Variants in PCNX2 observed in about 807,000 individuals in gnomAD.
PCNX2 encodes pecanex-like protein 2.
In PCNX2, 168 loss-of-function variants were observed where a neutral mutation model predicts 223.8. The ratio of observed to expected loss-of-function variants is 0.75; its 90% CI spans 0.66 to 0.85. The LOEUF is 0.85. PCNX2 is among the 40% of genes least tolerant of loss of function. The pLI, the probability that PCNX2 is intolerant of heterozygous loss-of-function variation, is 0.00. For synonymous variants in PCNX2, 1,006 were observed against 1,052.6 expected, an observed-to-expected ratio of 0.96 and a Z score of 0.86; for missense variants, 2,507 against 2,675.5, an observed-to-expected ratio of 0.94 and a Z score of 1.39.
At chr1:233,175,286 C>T (rs1318869372) in intron 17 of PCNX2, among the ~76,000 whole-genome samples, 2 of 152,110 alleles carry the variant, frequency 1.3e-5, no homozygotes, top group African/African-American at 4.8e-5. Context: ...TGAACACAAA[C>T]ATCTTATTAA....
At chr1:233,131,467 C>A (rs1264635617) in intron 21 of PCNX2, among the ~76,000 whole-genome samples, 1 of 152,202 alleles carries the variant, frequency 6.6e-6, no homozygotes. Flanking sequence ...GGGACCTTAA[C>A]TGTGAACTTC....
intron 23 of PCNX2, among the ~76,000 whole-genome samples, chr1:233,089,183 A>C (rs960974527): frequency 5.7e-5 from 6 of 105,316 alleles, no homozygotes; most frequent in Middle Eastern, 9.7e-3. Context: ...CAAAATGTAA[A>C]CAAATTACGG....
intron 2 of PCNX2, among the ~76,000 whole-genome samples, chr1:233,262,564 C>T (rs1660111283): frequency 6.6e-6 from 1 of 152,184 alleles, no homozygotes; most frequent in Non-Finnish European, 1.5e-5. Context: ...TCAAGAATTA[C>T]TCTTAATATT....
At chr1:233,146,433 AAAC>A (rs1202882532) in intron 19 of PCNX2, among the ~76,000 whole-genome samples, 11 of 152,322 alleles carry the variant, frequency 7.2e-5, no homozygotes, top group East Asian at 1.9e-4. Flanking sequence ...CTAGCGTATT[AAAC>A]AACATTTCCT....
chr1:233,108,298 C>T lies in PCNX2; in HGVS notation c.3838-12435G>A, dbSNP rs1021597873. Among the ~76,000 whole-genome samples, 15 of 152,164 alleles carry T rather than the reference C, an allele frequency of 9.9e-5. 1 individual carries two copies. On this transcript the variant is annotated intron_variant, in intron 21 of 33. Transcript: ENST00000258229. ...TCTGGATTGGGAATCCTTTCCTGTACCACACCTAGTCCAAAATCTGAGGAG... is the reference window on the plus strand; with the variant it reads ...TCTGGATTGGGAATCCTTTCCTGTATCACACCTAGTCCAAAATCTGAGGAG...
intron 8 of PCNX2, among the ~76,000 whole-genome samples, chr1:233,247,782 G>A (rs543919192): frequency 6.6e-6 from 1 of 151,496 alleles, no homozygotes; most frequent in African/African-American, 2.4e-5. Context: ...GAAGGTTGAG[G>A]CAGGAGAATC....
intron 19 of PCNX2, among the ~76,000 whole-genome samples, chr1:233,152,448 ATCCT>A (rs920674959): frequency 3.3e-4 from 50 of 152,168 alleles, no homozygotes; most frequent in Admixed American, 1.3e-3. Flanking sequence ...TAAGGAATAC[ATCCT>A]TCCTCCTCTA....
At position 232,984,270 on chromosome 1, in the gene PCNX2, G is replaced by A. The variant is rs1211900677; in HGVS notation, c.*34C>T. ...GAGAGCAATGCAGGTGGGAGGTGTG[G>A]GGGAGCCAGCCTCCCCGCCCGGCCG... On this transcript the variant is annotated 3_prime_UTR_variant, in exon 34 of 34. Coordinates refer to ENST00000258229, the MANE Select transcript of PCNX2 (RefSeq NM_014801.4). 5 of 1,545,026 alleles carry A rather than the reference G, an allele frequency of 3.2e-6. No individual in the cohort carries two copies. The highest frequency in any genetic ancestry group is 4.4e-6 in the Non-Finnish European group (5 of 1,145,532).
chr1:233,051,034 A>C (rs563283143), intron 25 of PCNX2, among the ~76,000 whole-genome samples: 78 of 152,338 alleles, frequency 5.1e-4, no homozygotes, highest in African/African-American at 1.8e-3. Context: ...GATACTTCTC[A>C]AAAGAAGACA....
At chr1:233,015,790 C>A (rs1326783175) in intron 27 of PCNX2, among the ~76,000 whole-genome samples, 1 of 151,992 alleles carries the variant, frequency 6.6e-6, no homozygotes, top group Non-Finnish European at 1.5e-5. Flanking sequence ...AGGAGGATCA[C>A]TTGATCCTAG....
In PCNX2 at chr1:233,217,909, G is replaced by C; in HGVS notation, c.2681C>G (p.Ser894Ter). 3 of 1,613,934 alleles carry C rather than the reference G, an allele frequency of 1.9e-6. No individual in the cohort carries two copies. Among genetic ancestry groups the C allele is most frequent in the Non-Finnish European group, 2.5e-6 (3 of 1,179,884 alleles). ...TATTTGGAAACTTACGTGTATTGGT[G>C]AGGCGGGGTCAGGCTGAACACTCTA... ...LLKSVQPDPA[S>*]PIHGHNQIIT... Residue 894 changes from serine (S) to a stop codon, truncating the protein, a stop_gained, in exon 12 of 34, where the codon TCA (serine) becomes TGA (stop). Coordinates refer to ENST00000258229, the MANE Select transcript of PCNX2 (RefSeq NM_014801.4). LOFTEE classifies it high-confidence loss of function.
intron 12 of PCNX2, chr1:233,211,926 G>A (rs530774680): frequency 2.2e-4 from 104 of 469,998 alleles, no homozygotes; most frequent in African/African-American, 1.7e-3. Context: ...GGAAGGTGTC[G>A]AAAACCCAGA....
At chr1:233,070,819 G>A (rs564635587) in intron 23 of PCNX2, among the ~76,000 whole-genome samples, 2 of 152,118 alleles carry the variant, frequency 1.3e-5, no homozygotes, top group South Asian at 2.1e-4. Flanking sequence ...GGCAGATCAC[G>A]AGGTCTGGAG....
intron 21 of PCNX2, among the ~76,000 whole-genome samples, chr1:233,098,930 G>A (rs555368727): frequency 2.0e-5 from 3 of 152,278 alleles, no homozygotes; most frequent in Non-Finnish European, 4.4e-5. Context: ...AAACATAAAT[G>A]TTACAAAAGA....
At chr1:233,226,806 T>C (rs1191257375) in intron 10 of PCNX2, among the ~76,000 whole-genome samples, 1 of 151,950 alleles carries the variant, frequency 6.6e-6, no homozygotes, top group Non-Finnish European at 1.5e-5. Flanking sequence ...TCTTCCCTCC[T>C]CTCCCCATGC....
At chr1:233,193,410 G>A (rs549023378) in intron 15 of PCNX2, among the ~76,000 whole-genome samples, 2 of 152,204 alleles carry the variant, frequency 1.3e-5, no homozygotes, top group East Asian at 3.9e-4. Flanking sequence ...GTGAAAATGG[G>A]CATGGTGCTC....
intron 26 of PCNX2, chr1:233,018,994 C>T: frequency 1.0e-6 from 1 of 985,398 alleles, no homozygotes; most frequent in East Asian, 1.1e-4. Flanking sequence ...TAGGGGGGCC[C>T]CCACCCTCCC....
chr1:233,234,739 G>T (rs1034453953), intron 9 of PCNX2, among the ~76,000 whole-genome samples: 1 of 152,118 alleles, frequency 6.6e-6, no homozygotes, highest in Non-Finnish European at 1.5e-5. Context: ...TACTTTCATG[G>T]AACCTTCTTG....
intron 12 of PCNX2, among the ~76,000 whole-genome samples, chr1:233,216,578 C>A (rs184537014): frequency 6.6e-6 from 1 of 152,134 alleles, no homozygotes; most frequent in Non-Finnish European, 1.5e-5. Context: ...AAAGGAAACC[C>A]TTCTATACTG....
Sources: gnomAD v4.1 joint callset for allele counts (sites outside exome capture counted in the v4.1 genomes callset) on GRCh38, gnomAD v4.1.1 for gene constraint, MANE v1.5 for transcripts, NCBI Gene and HGNC (gene_info 2026-07-23, HGNC 2026-07-21) for gene names.